Variants in SCG5 observed in about 807,000 individuals in gnomAD.
SCG5 encodes neuroendocrine protein 7B2.
In SCG5, 18 loss-of-function variants were observed where a neutral mutation model predicts 25.7. The observed-to-expected ratio is 0.70, with a 90% CI of 0.48 to 1.04. SCG5 has a LOEUF of 1.04. SCG5 is among the 50% of genes least tolerant of loss of function. The pLI is 0.00. For synonymous variants in SCG5, 101 were observed against 91.7 expected, an observed-to-expected ratio of 1.10 and a Z score of -0.58; for missense variants, 206 against 259.8, an observed-to-expected ratio of 0.79 and a Z score of 1.42.
In SCG5 at chr15:32,697,011, A is replaced by G. The variant is rs1271247273; in HGVS notation, c.*402A>G. The G allele has an allele frequency of 6.3e-6, 1 of 158,684 alleles. No homozygotes were observed. Among genetic ancestry groups the G allele is most frequent in the Non-Finnish European group, 1.4e-5 (1 of 72,212 alleles). The allele number at this position is 158,684 out of a possible 1,614,324, so 9.8% of individuals were successfully genotyped here. On this transcript the variant is annotated 3_prime_UTR_variant, in exon 6 of 6. Coordinates refer to ENST00000300175, the MANE Select transcript of SCG5 (RefSeq NM_001144757.3). ...TCATCCAGCCCTTGGGCATTGTTATACACCAGTAAAGAAGGCTGTACTCAA... is the reference window on the plus strand; with the variant it reads ...TCATCCAGCCCTTGGGCATTGTTATGCACCAGTAAAGAAGGCTGTACTCAA...
In SCG5 at chr15:32,691,814, T is replaced by C. The variant is rs1348080760; in HGVS notation, c.543+51T>C. ...GCGGGGATGCTTGGAGCTTTCTGAG[T>C]GGGGCAGTGAACAGGCTGAAACCCT... On this transcript the variant is annotated intron_variant, in intron 5 of 5. Transcript: ENST00000300175. The C allele has an allele frequency of 3.8e-6, 6 of 1,599,718 alleles. No individual in the cohort carries two copies. The South Asian group carries it at 4.5e-5, about 12-fold the overall frequency.
chr15:32,643,467 T>A (rs1444445916), intron 1 of SCG5, 119 bp from the exon 2 acceptor site: 1 of 755,036 alleles, frequency 1.3e-6, no homozygotes, highest in Non-Finnish European at 2.3e-6. Flanking sequence ...GGATTCTTTG[T>A]TACAACCCCT....
chr15:32,686,933 G>A (rs1423955685), intron 4 of SCG5, among the ~76,000 whole-genome samples: 1 of 152,208 alleles, frequency 6.6e-6, no homozygotes, highest in African/African-American at 2.4e-5. Context: ...CAAGGGTAGA[G>A]GAAGATCCAG....
chr15:32,673,282 TAGC>T (rs2054470477), intron 2 of SCG5: 1 of 152,206 alleles, frequency 6.6e-6, no homozygotes, highest in African/African-American at 2.4e-5. Context: ...AGAAGGTTCT[TAGC>T]AGCCACACCG....
At chr15:32,648,782 T>TAA (rs549935437) in intron 2 of SCG5, among the ~76,000 whole-genome samples, 84 of 139,042 alleles carry the variant, frequency 6.0e-4, no homozygotes, top group African/African-American at 1.3e-3. Context: ...TTTTTTTTTT[T>TAA]TAAAAAAAAA....
intron 2 of SCG5, among the ~76,000 whole-genome samples, chr15:32,663,032 A>AATATATATATATATATATATAT (rs67571496): frequency 1.3e-5 from 1 of 79,298 alleles, no homozygotes; most frequent in African/African-American, 4.0e-5. Flanking sequence ...AAAAAAAAAG[A>AATATATATATATATATATATAT]ATATATATAT....
At chr15:32,687,965 C>T (rs1399759232) in intron 4 of SCG5, among the ~76,000 whole-genome samples, 1 of 152,134 alleles carries the variant, frequency 6.6e-6, no homozygotes, top group Non-Finnish European at 1.5e-5. Flanking sequence ...TGCCAGACTC[C>T]TTTCTAAATA....
intron 4 of SCG5, among the ~76,000 whole-genome samples, chr15:32,688,284 C>A (rs1390608115): frequency 6.6e-6 from 1 of 152,176 alleles, no homozygotes; most frequent in African/African-American, 2.4e-5. Context: ...CTACCCACTC[C>A]CCCTTTACAC....
At chr15:32,642,949 G>A (rs1257424948) in intron 1 of SCG5, among the ~76,000 whole-genome samples, 4 of 152,350 alleles carry the variant, frequency 2.6e-5, no homozygotes, top group African/African-American at 9.6e-5. Context: ...GGAGGAAACT[G>A]AGGGACTTGC....
At chr15:32,669,740 T>G (rs191705605) in intron 2 of SCG5, among the ~76,000 whole-genome samples, 221 of 152,282 alleles carry the variant, frequency 1.5e-3, no homozygotes, top group Non-Finnish European at 2.6e-3. Flanking sequence ...GATTATTTTA[T>G]TTTGGGGTTT....
chr15:32,679,942 T>A (rs770561787), intron 3 of SCG5, 27 bp downstream of exon 3: 3 of 1,568,838 alleles, frequency 1.9e-6, no homozygotes, highest in Non-Finnish European at 2.6e-6. Flanking sequence ...TGGGTTCCCA[T>A]GAAAAGTTGG....
chr15:32,662,212 T>A (rs1027142326), intron 2 of SCG5, among the ~76,000 whole-genome samples: 26 of 152,206 alleles, frequency 1.7e-4, no homozygotes, highest in African/African-American at 5.5e-4. Context: ...GGGTATATAT[T>A]TCTATGAAAA....
intron 2 of SCG5, among the ~76,000 whole-genome samples, chr15:32,673,527 CGT>C (rs55968956): frequency 5.4e-4 from 73 of 134,920 alleles, no homozygotes; most frequent in East Asian, 8.8e-4. Context: ...ATAAGATCCC[CGT>C]GTGTGTGTGT....
At chr15:32,689,841 CTTTTTTT>C (rs537073829) in intron 4 of SCG5, among the ~76,000 whole-genome samples, 4 of 135,050 alleles carry the variant, frequency 3.0e-5, no homozygotes, top group Non-Finnish European at 6.4e-5. Flanking sequence ...TTTTGCATTT[CTTTTTTT>C]TTTTTTTTTT....
intron 2 of SCG5, among the ~76,000 whole-genome samples, chr15:32,651,788 G>T (rs894217513): frequency 6.6e-6 from 1 of 152,328 alleles, no homozygotes; most frequent in African/African-American, 2.4e-5. Flanking sequence ...GGTTCTTTTT[G>T]GGAGGGGAAA....
intron 2 of SCG5, among the ~76,000 whole-genome samples, chr15:32,677,219 A>C (rs1473009238): frequency 6.6e-6 from 1 of 152,218 alleles, no homozygotes; most frequent in Non-Finnish European, 1.5e-5. Context: ...AAGCAATGAA[A>C]TATAATATAA....
In SCG5 at chr15:32,643,617, A is replaced by G. The variant is rs762077268; in HGVS notation, c.25A>G (p.Met9Val). 2 of 1,613,946 alleles carry G rather than the reference A, an allele frequency of 1.2e-6. No homozygotes were observed. The change falls in exon 2 of 6, where the codon ATG becomes GTG. Residue 9 changes from methionine to valine, a missense_variant. Physicochemically the swap from Met to Val is conservative, Grantham distance 21. Transcript: ENST00000300175. MVSRMVST[M>V]LSGLLFWLAS... ...AATGGTCTCCAGGATGGTCTCTACC[A>G]TGCTATCTGGCCTACTGTTTTGGCT...
At chr15:32,691,791 G>T (rs759928125) in intron 5 of SCG5, 28 bp downstream of exon 5, 2 of 1,609,152 alleles carry the variant, frequency 1.2e-6, no homozygotes, top group Admixed American at 1.7e-5. Flanking sequence ...GGATTGTTGC[G>T]GGGATGCTTG....
At chr15:32,659,830 C>G (rs930904041) in intron 2 of SCG5, among the ~76,000 whole-genome samples, 1 of 151,962 alleles carries the variant, frequency 6.6e-6, no homozygotes, top group African/African-American at 2.4e-5. Context: ...ACGCCTGGCT[C>G]CTGAATTGAA....
Sources: gnomAD v4.1 joint callset for allele counts (sites outside exome capture counted in the v4.1 genomes callset) on GRCh38, gnomAD v4.1.1 for gene constraint, MANE v1.5 for transcripts, NCBI Gene and HGNC (gene_info 2026-07-23, HGNC 2026-07-21) for gene names.